Variants in HOXC6 observed in about 807,000 individuals in gnomAD.
The protein encoded by HOXC6 is homeobox protein Hox-C6.
HOXC6 carries 10 observed loss-of-function variants against 24.0 expected under a neutral mutation model. That is an observed-to-expected ratio of 0.42 (90% CI 0.26 to 0.71). The LOEUF (loss-of-function observed/expected upper bound fraction) is 0.71. Ranked by LOEUF, HOXC6 falls within the 30% of genes least tolerant of loss-of-function variation. The pLI, the probability that HOXC6 is intolerant of heterozygous loss-of-function variation, is 0.28. For synonymous variants in HOXC6, 123 were observed against 128.1 expected, an observed-to-expected ratio of 0.96 and a Z score of 0.27; for missense variants, 258 against 303.4, an observed-to-expected ratio of 0.85 and a Z score of 1.11.
At chr12:54,024,259 G>A (rs1940583669), upstream of HOXC6, among the ~76,000 whole-genome samples, 1 of 152,144 alleles carries the variant, frequency 6.6e-6, no homozygotes, top group Non-Finnish European at 1.5e-5. Flanking sequence ...GGCAGGGTCG[G>A]GCAGCTGCGG....
At chr12:54,029,269 A>C (rs1048074746) in intron 1 of HOXC6, among the ~76,000 whole-genome samples, 1 of 152,122 alleles carries the variant, frequency 6.6e-6, no homozygotes, top group Non-Finnish European at 1.5e-5. Context: ...AGTGGGGAGA[A>C]GTTTCCAAGG....
chr12:54,017,710 C>T (rs567218746), intron 1 of HOXC6, among the ~76,000 whole-genome samples: 5 of 152,132 alleles, frequency 3.3e-5, no homozygotes, highest in Non-Finnish European at 7.4e-5. Flanking sequence ...GGCGCCAGCT[C>T]TCTGCTGCCC....
chr12:54,019,359 G>A (rs1940321164), intron 1 of HOXC6, among the ~76,000 whole-genome samples: 1 of 152,176 alleles, frequency 6.6e-6, no homozygotes. Context: ...CTGATGCCCC[G>A]CGGATCCAGC....
At chr12:54,028,996 G>A (rs1940859587) in intron 1 of HOXC6, 75 bp downstream of exon 1, 2 of 1,434,266 alleles carry the variant, frequency 1.4e-6, no homozygotes. Flanking sequence ...AGAAGAACGG[G>A]CGGAGAGAGT....
chr12:54,022,079 C>T (rs1940473163), intron 1 of HOXC6: 1 of 152,290 alleles, frequency 6.6e-6, no homozygotes, highest in African/African-American at 2.4e-5. Flanking sequence ...AGCAGCCCTT[C>T]CCTTGCCTAG....
intron 1 of HOXC6, chr12:54,021,003 A>C (rs1253483766): frequency 6.6e-6 from 1 of 152,324 alleles, no homozygotes; most frequent in Non-Finnish European, 1.5e-5. Context: ...GGCTGCAAGC[A>C]GTTCGGAGTA....
At chr12:54,023,474 C>T (rs959553978), upstream of HOXC6, among the ~76,000 whole-genome samples, 2 of 152,142 alleles carry the variant, frequency 1.3e-5, no homozygotes, top group African/African-American at 4.8e-5. Flanking sequence ...CCTTTCTTCT[C>T]CGTTTAATTG....
intron 1 of HOXC6, chr12:54,020,172 A>G (rs1473404473): frequency 2.6e-5 from 4 of 152,194 alleles, no homozygotes; most frequent in Non-Finnish European, 5.9e-5. Flanking sequence ...CCTGCAGGAG[A>G]GCCCTTCTGT....
upstream of HOXC6, among the ~76,000 whole-genome samples, chr12:54,027,835 T>C (rs1299926209): frequency 2.0e-5 from 3 of 152,146 alleles, no homozygotes; most frequent in East Asian, 5.8e-4. Context: ...CCCTACTACA[T>C]TCAAGACTCT....
upstream of HOXC6, among the ~76,000 whole-genome samples, chr12:54,024,239 G>C (rs1464545646): frequency 6.6e-6 from 1 of 152,246 alleles, no homozygotes; most frequent in East Asian, 1.9e-4. Context: ...TGAGACTTGG[G>C]GGTGGTGGGG....
Position 54,030,092 on chromosome 12 carries a change from G to T in HOXC6, c.*130G>T. On this transcript the variant is annotated 3_prime_UTR_variant, in exon 2 of 2. Transcript: ENST00000243108. ...TGATTCCCTAAAACAAAATTAGGGA[G>T]TCAAACGTGGACCTGAAAGTCAGCT... 1.1e-6 allele frequency: 1 copy of T among 926,194 alleles called. No individual in the cohort carries two copies. Among genetic ancestry groups the T allele is most frequent in the Non-Finnish European group, 1.6e-6 (1 of 634,684 alleles). The allele number at this position is 926,194 out of a possible 1,614,324, so 57.4% of individuals were successfully genotyped here.
chr12:54,018,093 C>T (rs1167203995), intron 1 of HOXC6, among the ~76,000 whole-genome samples: 2 of 152,116 alleles, frequency 1.3e-5, no homozygotes, highest in African/African-American at 4.8e-5. Context: ...ACCCCCTGCT[C>T]CCGCCCCCAC....
upstream of HOXC6, among the ~76,000 whole-genome samples, chr12:54,025,541 G>C (rs200707782): frequency 8.9e-6 from 1 of 112,110 alleles, no homozygotes; most frequent in African/African-American, 3.1e-5. Context: ...GGGGGGGGAG[G>C]TGTTGAAAAT....
upstream of HOXC6, among the ~76,000 whole-genome samples, chr12:54,027,356 A>T (rs374040599): frequency 2.6e-5 from 4 of 152,056 alleles, no homozygotes; most frequent in East Asian, 3.9e-4. Flanking sequence ...CTGAGTCTGG[A>T]GGGGGCAGGG....
chr12:54,023,189 C>A (rs940816470), intron 1 of HOXC6, among the ~76,000 whole-genome samples: 3 of 152,130 alleles, frequency 2.0e-5, no homozygotes, highest in African/African-American at 7.2e-5. Context: ...TGGGCACCAG[C>A]CCCCAAAAAG....
At chr12:54,028,410 T>C (rs1940826076), upstream of HOXC6, 9 of 1,234,204 alleles carry the variant, frequency 7.3e-6, no homozygotes, top group Non-Finnish European at 1.1e-6. Context: ...GACTTTGTCA[T>C]TTTGTCTGTC....
upstream of HOXC6, among the ~76,000 whole-genome samples, chr12:54,025,871 A>G (rs1302428393): frequency 6.6e-6 from 1 of 152,070 alleles, no homozygotes; most frequent in Non-Finnish European, 1.5e-5. Context: ...AAGGAAACCT[A>G]GGCATCCTTG....
chr12:54,029,350 AT>A (rs1416280010), intron 1 of HOXC6, among the ~76,000 whole-genome samples: 1 of 149,016 alleles, frequency 6.7e-6, no homozygotes, highest in African/African-American at 2.5e-5. Flanking sequence ...ATTATCTGGG[AT>A]TTTTCAAAAA....
chr12:54,025,496 G>A (rs1940650831), upstream of HOXC6, among the ~76,000 whole-genome samples: 1 of 144,350 alleles, frequency 6.9e-6, no homozygotes, highest in South Asian at 2.4e-4. Context: ...AAAGAAGAGG[G>A]CTTCTTCTTT....
Sources: allele counts gnomAD v4.1 joint callset (sites outside exome capture counted in the v4.1 genomes callset), GRCh38; gene constraint gnomAD v4.1.1; transcripts MANE v1.5; gene names NCBI Gene and HGNC (gene_info 2026-07-23, HGNC 2026-07-21).